The following ZNF75D variants were observed in gnomAD, a reference collection of about 807,000 sequenced individuals.
ZNF75D encodes zinc finger protein 75.
A neutral mutation model predicts 33.3 loss-of-function variants in ZNF75D; 33 were observed. The observed-to-expected ratio is 0.99, with a 90% CI of 0.75 to 1.32. ZNF75D has a LOEUF of 1.32. Among genes scored for constraint, ZNF75D ranks in the 40% most tolerant of loss-of-function variants. The pLI is 0.00. For missense variants in ZNF75D, 338 were observed against 367.5 expected (o/e 0.92, Z 0.66); for synonymous variants, 113 against 130.6 (o/e 0.87, Z 0.92).
chrX:135,342,706 G>A lies in ZNF75D; in HGVS notation c.-1329C>T, dbSNP rs1435577778. 1 of 112,147 alleles carries A rather than the reference G, an allele frequency of 8.9e-6. No individual in the cohort carries two copies. Among genetic ancestry groups the A allele is most frequent in the Non-Finnish European group, 1.9e-5 (1 of 53,280 alleles). The allele number at this position is 112,147 out of a possible 1,213,427, so 9.2% of individuals were successfully genotyped here. A position where few individuals can be genotyped will look rare whatever the true frequency, so the allele number is the denominator to read the frequency against. On this transcript the variant is annotated 5_prime_UTR_variant, in exon 1 of 7. Transcript: ENST00000370766. Reference sequence around the variant, plus strand: ...ATTAACTGAGACCCATCTCTGCAGAGGAGACCAGACTGCTGCCCCTAACCT... The same window carrying A: ...ATTAACTGAGACCCATCTCTGCAGAAGAGACCAGACTGCTGCCCCTAACCT...
intron 1 of ZNF75D, among the ~76,000 whole-genome samples, chrX:135,265,228 A>G (rs1185551226): frequency 3.6e-5 from 4 of 111,370 alleles, no homozygotes; most frequent in African/African-American, 1.3e-4. Context: ...TCAAAAAAAA[A>G]AAAAAAGAGT....
chrX:135,293,635 C>T (rs782350257), intron 3 of ZNF75D, 95 bp downstream of exon 3: 12 of 868,783 alleles, frequency 1.4e-5, no homozygotes, highest in African/African-American at 1.0e-4. Context: ...AACAGAAGAG[C>T]GACTTAATCT....
intron 1 of ZNF75D, among the ~76,000 whole-genome samples, chrX:135,322,555 TAGAC>T (rs1394451859): frequency 6.2e-5 from 7 of 112,197 alleles, no homozygotes; most frequent in Admixed American, 2.8e-4. Context: ...GACAGATAGA[TAGAC>T]AGATAGGATA....
Position 135,344,027 on chromosome X carries a change from A to C in ZNF75D, c.-2650T>G, listed in dbSNP as rs891846825. 1 of 112,249 alleles carries C rather than the reference A, an allele frequency of 8.9e-6. No individual in the cohort carries two copies. Among genetic ancestry groups the C allele is most frequent in the Non-Finnish European group, 1.9e-5 (1 of 53,214 alleles). The allele number at this position is 112,249 out of a possible 1,213,427, so 9.3% of individuals were successfully genotyped here. On this transcript the variant is annotated 5_prime_UTR_variant, in exon 1 of 7. Transcript: ENST00000370766. ...TAGCACGGAAGTTTGGCGTCCACAG[A>C]CCAATTTGTCAGCTTAGGACCAACG...
At chrX:135,333,502 C>T (rs1291100732) in intron 1 of ZNF75D, among the ~76,000 whole-genome samples, 2 of 111,874 alleles carry the variant, frequency 1.8e-5, no homozygotes, top group Admixed American at 9.5e-5. Flanking sequence ...ACAACCAGCA[C>T]CCACTGTTGC....
downstream of ZNF75D, among the ~76,000 whole-genome samples, chrX:135,283,806 G>A (rs1222439591): frequency 9.0e-6 from 1 of 111,499 alleles, no homozygotes; most frequent in East Asian, 2.8e-4. Context: ...AAGGCCCATG[G>A]GTAGAAACCA....
At chrX:135,304,716 T>C (rs1556425445) in intron 1 of ZNF75D, among the ~76,000 whole-genome samples, 1 of 112,670 alleles carries the variant, frequency 8.9e-6, no homozygotes, top group Non-Finnish European at 1.9e-5. Context: ...AAATTGATAA[T>C]TGATAAAACA....
chrX:135,281,872 A>G (rs1410581327), downstream of ZNF75D, among the ~76,000 whole-genome samples: 1 of 112,290 alleles, frequency 8.9e-6, no homozygotes, highest in Non-Finnish European at 1.9e-5. Context: ...GCTTTGTCCC[A>G]GAGGGGCACC....
At chrX:135,258,844 A>T (rs1486973477) in intron 1 of ZNF75D, among the ~76,000 whole-genome samples, 1 of 111,588 alleles carries the variant, frequency 9.0e-6, no homozygotes, top group African/African-American at 3.3e-5. Context: ...ATTGCTTTCG[A>T]TGTTTTAGTC....
chrX:135,323,272 T>C (rs1463599386), intron 1 of ZNF75D, among the ~76,000 whole-genome samples: 3 of 112,183 alleles, frequency 2.7e-5, no homozygotes, highest in Non-Finnish European at 5.6e-5. Context: ...ATTGCTTTAC[T>C]GGGTTTAAGG....
In ZNF75D at chrX:135,344,048, C is replaced by A. The variant is rs2084816801; in HGVS notation, c.-2671G>T. ...ACAGACCAATTTGTCAGCTTAGGAC[C>A]AACGTTAGGGCTGCGTTTCCCGAAC... On this transcript the variant is annotated 5_prime_UTR_variant, in exon 1 of 7. Coordinates refer to ENST00000370766, the MANE Select transcript of ZNF75D (RefSeq NM_007131.5). The A allele has an allele frequency of 8.9e-6, 1 of 112,335 alleles. No homozygotes were observed. Among genetic ancestry groups the A allele is most frequent in the Non-Finnish European group, 1.9e-5 (1 of 53,247 alleles). The allele number at this position is 112,335 out of a possible 1,213,427, so 9.3% of individuals were successfully genotyped here.
chrX:135,314,006 G>A (rs907672895), intron 1 of ZNF75D, among the ~76,000 whole-genome samples: 1 of 111,641 alleles, frequency 9.0e-6, no homozygotes, highest in Non-Finnish European at 1.9e-5. Flanking sequence ...GATTGCTCTG[G>A]CTTGGACTTC....
At chrX:135,288,607 A>C (rs782622249) in intron 6 of ZNF75D, among the ~76,000 whole-genome samples, 1 of 112,788 alleles carries the variant, frequency 8.9e-6, no homozygotes, top group South Asian at 3.6e-4. Context: ...AATGTATTTA[A>C]GTATCGAGAT....
intron 1 of ZNF75D, among the ~76,000 whole-genome samples, chrX:135,315,528 G>A (rs1022703769): frequency 1.8e-5 from 2 of 112,221 alleles, no homozygotes; most frequent in Non-Finnish European, 3.8e-5. Context: ...AACGCTGAGA[G>A]TGGGTGTTGA....
intron 1 of ZNF75D, among the ~76,000 whole-genome samples, chrX:135,256,417 G>C (rs782735528): frequency 9.0e-6 from 1 of 111,014 alleles, no homozygotes; most frequent in East Asian, 2.9e-4. Flanking sequence ...CCACACACAG[G>C]TGTGTGTGTG....
At chrX:135,263,931 C>T (rs2083853286) in intron 1 of ZNF75D, among the ~76,000 whole-genome samples, 1 of 111,999 alleles carries the variant, frequency 8.9e-6, no homozygotes, top group South Asian at 3.7e-4. Flanking sequence ...CGAAGCTGTT[C>T]CTATTTGGCC....
At chrX:135,271,816 G>A (rs1426212754) in intron 1 of ZNF75D, among the ~76,000 whole-genome samples, 1 of 112,083 alleles carries the variant, frequency 8.9e-6, no homozygotes, top group African/African-American at 3.2e-5. Flanking sequence ...ACCACAACTG[G>A]GTTGCACTTA....
chrX:135,326,834 C>T (rs1325791704), intron 1 of ZNF75D, among the ~76,000 whole-genome samples: 1 of 111,364 alleles, frequency 9.0e-6, no homozygotes, highest in East Asian at 2.8e-4. Context: ...CACGAACCCA[C>T]CAGAAGGAAG....
At chrX:135,256,645 G>A (rs1414380673) in intron 1 of ZNF75D, among the ~76,000 whole-genome samples, 7 of 111,575 alleles carry the variant, frequency 6.3e-5, no homozygotes, top group African/African-American at 2.3e-4. Context: ...GTGACCTAGG[G>A]AGACAGCAGC....
Sources: gnomAD v4.1 joint callset for allele counts (sites outside exome capture counted in the v4.1 genomes callset) on GRCh38, gnomAD v4.1.1 for gene constraint, MANE v1.5 for transcripts, NCBI Gene and HGNC (gene_info 2026-07-23, HGNC 2026-07-21) for gene names.